OSTF1: variants seen among roughly 807,000 people sequenced by gnomAD.
The protein encoded by OSTF1 is osteoclast-stimulating factor 1.
In OSTF1, 27 loss-of-function variants were observed where a neutral mutation model predicts 37.2. That is an observed-to-expected ratio of 0.73 (90% CI 0.54 to 1.00). The LOEUF (loss-of-function observed/expected upper bound fraction) is 1.00, where lower values mean the gene tolerates loss of function less well. Ranked by LOEUF, OSTF1 falls within the 50% of genes least tolerant of loss-of-function variation. The pLI is 0.00. For synonymous variants in OSTF1, 82 were observed against 89.2 expected (o/e 0.92, Z 0.46); for missense variants, 232 against 253.8 (o/e 0.91, Z 0.58).
chr9:75,091,865 A>G (rs17625101), intron 1 of OSTF1, among the ~76,000 whole-genome samples: 10,861 of 152,270 alleles, frequency 0.071, 573 homozygotes, highest in Non-Finnish European at 0.11. Context: ...CTCAAGATTC[A>G]TAGTGCTCAT....
intron 9 of OSTF1, among the ~76,000 whole-genome samples, chr9:75,143,594 A>T (rs975880927): frequency 6.6e-6 from 1 of 152,186 alleles, no homozygotes; most frequent in African/African-American, 2.4e-5. Flanking sequence ...CATTTACATT[A>T]TGTCTGTGAG....
intron 9 of OSTF1, among the ~76,000 whole-genome samples, chr9:75,142,884 A>G (rs1240316901): frequency 6.6e-6 from 1 of 151,422 alleles, no homozygotes; most frequent in Non-Finnish European, 1.5e-5. Flanking sequence ...TTGGCCATAG[A>G]GTTAATTGTC....
chr9:75,141,312 C>CAAAAAAAAAAAAAAAAAAAAAAAAAAA (rs529293090), intron 9 of OSTF1, among the ~76,000 whole-genome samples: 3 of 71,678 alleles, frequency 4.2e-5, no homozygotes, highest in Non-Finnish European at 7.5e-5. Context: ...AAAAGAAAAC[C>CAAAAAAAAAAAAAAAAAAAAAAAAAAA]AAAAAAAAAA....
At chr9:75,111,491 G>A (rs547355576) in intron 1 of OSTF1, among the ~76,000 whole-genome samples, 2 of 152,154 alleles carry the variant, frequency 1.3e-5, no homozygotes, top group Non-Finnish European at 2.9e-5. Flanking sequence ...TCTTGCTTAC[G>A]TGAAGAGACC....
chr9:75,104,801 C>T (rs762986491), intron 1 of OSTF1, among the ~76,000 whole-genome samples: 4 of 152,136 alleles, frequency 2.6e-5, no homozygotes, highest in Non-Finnish European at 5.9e-5. Flanking sequence ...TCCCTGGGTG[C>T]CAGAATTAAA....
At chr9:75,095,914 T>C (rs910801478) in intron 1 of OSTF1, among the ~76,000 whole-genome samples, 11 of 151,176 alleles carry the variant, frequency 7.3e-5, no homozygotes, top group Non-Finnish European at 1.3e-4. Context: ...TTTTTTGAGA[T>C]GGAGTCTTGC....
chr9:75,136,998 G>A lies in OSTF1; in HGVS notation c.409-540G>A, dbSNP rs554958844. On this transcript the variant is annotated intron_variant, in intron 7 of 9. Transcript: ENST00000346234. Reference sequence around the variant, plus strand: ...TTTTTTACCTAACCCTCAGGTTTGAGTTTCTGGCCTTTTGCTACTTCTCTT... The same window carrying A: ...TTTTTTACCTAACCCTCAGGTTTGAATTTCTGGCCTTTTGCTACTTCTCTT... 2.6e-5 allele frequency among the ~76,000 whole-genome samples: 4 copies of A among 152,256 alleles called. No individual in the cohort carries two copies. The South Asian group carries it at 8.3e-4, about 32-fold the overall frequency.
chr9:75,094,670 A>G (rs2118377425), intron 1 of OSTF1, among the ~76,000 whole-genome samples: 1 of 152,310 alleles, frequency 6.6e-6, no homozygotes, highest in South Asian at 2.1e-4. Context: ...ACATTAAAAA[A>G]AAAATGATAC....
At chr9:75,132,901 G>A (rs768047669) in intron 5 of OSTF1, among the ~76,000 whole-genome samples, 17 of 150,752 alleles carry the variant, frequency 1.1e-4, no homozygotes, top group Non-Finnish European at 1.9e-4. Context: ...CTTGTTCTTA[G>A]GTTTGATTGT....
chr9:75,137,469 C>G, intron 7 of OSTF1, 69 bp from the exon 8 acceptor site: 1 of 1,033,660 alleles, frequency 9.7e-7, no homozygotes, highest in Admixed American at 1.8e-5. Context: ...TGGGTTAAAC[C>G]TGAATTAACA....
chr9:75,138,370 C>T (rs913971733), intron 8 of OSTF1, among the ~76,000 whole-genome samples: 3 of 152,092 alleles, frequency 2.0e-5, no homozygotes, highest in Non-Finnish European at 4.4e-5. Flanking sequence ...GTCTAAAAGG[C>T]CAGACATTAT....
intron 1 of OSTF1, among the ~76,000 whole-genome samples, chr9:75,104,343 A>C (rs1242029118): frequency 6.6e-6 from 1 of 152,156 alleles, no homozygotes; most frequent in East Asian, 1.9e-4. Context: ...CTAGGAGCTC[A>C]AGACCAGCCT....
chr9:75,100,193 A>T (rs1257339521), intron 1 of OSTF1, among the ~76,000 whole-genome samples: 1 of 152,206 alleles, frequency 6.6e-6, no homozygotes, highest in African/African-American at 2.4e-5. Context: ...CCCAGAGAGC[A>T]CTGATTTTTC....
intron 1 of OSTF1, among the ~76,000 whole-genome samples, chr9:75,116,009 C>T (rs1000722590): frequency 2.0e-5 from 3 of 152,074 alleles, no homozygotes; most frequent in Admixed American, 6.6e-5. Context: ...GAGGCTGAGG[C>T]AGGAGAATCT....
chr9:75,137,040 A>G (rs544881915), intron 7 of OSTF1, among the ~76,000 whole-genome samples: 1 of 152,150 alleles, frequency 6.6e-6, no homozygotes, highest in Non-Finnish European at 1.5e-5. Context: ...AGTGTTCATG[A>G]ACTTGGAAAC....
At chr9:75,095,383 A>G (rs1354408330) in intron 1 of OSTF1, among the ~76,000 whole-genome samples, 1 of 152,186 alleles carries the variant, frequency 6.6e-6, no homozygotes, top group African/African-American at 2.4e-5. Flanking sequence ...AGTGCTTGTG[A>G]TAGGAGATGT....
In OSTF1 at chr9:75,117,561, A is replaced by G. The variant is rs757864743; in HGVS notation, c.81+11A>G. On this transcript the variant is annotated intron_variant, in intron 2 of 9. Transcript: ENST00000346234. ...TTTGAACCCAGAACTGTAAGTGTTCAGTTTTTAACTTCTAAAATTGACAGA... is the reference window on the plus strand; with the variant it reads ...TTTGAACCCAGAACTGTAAGTGTTCGGTTTTTAACTTCTAAAATTGACAGA... The G allele has an allele frequency of 3.2e-6, 5 of 1,583,308 alleles. No individual in the cohort carries two copies. Among genetic ancestry groups the G allele is most frequent in the African/African-American group, 1.3e-5 (1 of 74,474 alleles).
chr9:75,098,486 ATGTC>A lies in OSTF1; in HGVS notation c.34+9763_34+9766del, dbSNP rs1825128900. 5.9e-5 allele frequency among the ~76,000 whole-genome samples: 9 copies of A among 152,102 alleles called. No homozygotes were observed. In the South Asian group the frequency reaches 1.9e-3, roughly 32 times the overall value. On this transcript the variant is annotated intron_variant, in intron 1 of 9. Coordinates refer to ENST00000346234, the MANE Select transcript of OSTF1 (RefSeq NM_012383.5). ...AACACTGGGGTCTCCCTGCAGGAAT[ATGTC>A]TGGGGCTTTATATGCACAGATTCCA...
chr9:75,100,405 T>C (rs1213783320), intron 1 of OSTF1, among the ~76,000 whole-genome samples: 2 of 152,112 alleles, frequency 1.3e-5, no homozygotes, highest in Non-Finnish European at 2.9e-5. Flanking sequence ...CTTCTGGGCA[T>C]CCATCAGTGA....
Sources: allele counts gnomAD v4.1 joint callset (sites outside exome capture counted in the v4.1 genomes callset), GRCh38; gene constraint gnomAD v4.1.1; transcripts MANE v1.5; gene names NCBI Gene and HGNC (gene_info 2026-07-23, HGNC 2026-07-21).